FHL5: variants seen among roughly 807,000 people sequenced by gnomAD.
FHL5 encodes the protein four and a half LIM domains 5, also known as four and a half LIM domains protein 5.
FHL5 carries 33 observed loss-of-function variants against 32.0 expected under a neutral mutation model. That is an observed-to-expected ratio of 1.03 (90% CI 0.78 to 1.38). The LOEUF (loss-of-function observed/expected upper bound fraction) is 1.38, where lower values mean the gene tolerates loss of function less well. Among genes scored for constraint, FHL5 ranks in the 40% most tolerant of loss-of-function variants. The pLI is 0.00. For missense variants in FHL5, 336 were observed against 343.9 expected (o/e 0.98, Z 0.18); for synonymous variants, 114 against 113.6 (o/e 1.00, Z -0.02).
At chr6:96,579,747 A>G (rs1170471432) in intron 1 of FHL5, among the ~76,000 whole-genome samples, 2 of 152,214 alleles carry the variant, frequency 1.3e-5, no homozygotes, top group Non-Finnish European at 2.9e-5. Context: ...TTGAAACTTC[A>G]TGTATATGAC....
At chr6:96,591,859 C>T (rs1194890556) in intron 1 of FHL5, among the ~76,000 whole-genome samples, 1 of 152,056 alleles carries the variant, frequency 6.6e-6, no homozygotes, top group African/African-American at 2.4e-5. Flanking sequence ...GGACACATCA[C>T]ATGTCGATAG....
Position 96,603,736 on chromosome 6 carries a change from C to A in FHL5, c.123C>A (p.Cys41Ter), listed in dbSNP as rs747828128. 1.2e-6 allele frequency: 2 copies of A among 1,608,908 alleles called. No individual in the cohort carries two copies. Among genetic ancestry groups the A allele is most frequent in the African/African-American group, 1.3e-5 (1 of 74,672 alleles). Residue 41 changes from cysteine (C) to a stop codon, truncating the protein, a stop_gained, in exon 2 of 6, where the codon TGC becomes TGA. Transcript: ENST00000450218. LOFTEE classifies it high-confidence loss of function. ...ATGATCGTGTATTTTCTAACTATTG[C>A]GAGGAATGCAAAAAACCAATTGAAT... ...TCYDRVFSNY[C>*]EECKKPIESD...
At chr6:96,577,646 T>C (rs1340462719) in intron 1 of FHL5, among the ~76,000 whole-genome samples, 1 of 152,222 alleles carries the variant, frequency 6.6e-6, no homozygotes, top group Non-Finnish European at 1.5e-5. Flanking sequence ...TTTCATTTTG[T>C]ACAGCTAGAA....
intron 1 of FHL5, among the ~76,000 whole-genome samples, chr6:96,598,537 C>A (rs1219411315): frequency 6.6e-6 from 1 of 152,160 alleles, no homozygotes; most frequent in Non-Finnish European, 1.5e-5. Context: ...TGTCCTTCCT[C>A]CTTCTTTAAG....
chr6:96,572,064 A>G (rs1325583834), intron 1 of FHL5, among the ~76,000 whole-genome samples: 2 of 152,104 alleles, frequency 1.3e-5, no homozygotes, highest in African/African-American at 2.4e-5. Flanking sequence ...GAAGTCTAAA[A>G]TTGTTCAGTT....
intron 1 of FHL5, among the ~76,000 whole-genome samples, chr6:96,573,635 C>A (rs113432850): frequency 0.055 from 8,167 of 149,634 alleles, 663 homozygotes; most frequent in African/African-American, 0.18. Flanking sequence ...CATTCTCCTG[C>A]CTCAGCCTCC....
At chr6:96,565,520 T>G (rs576708328) in intron 1 of FHL5, among the ~76,000 whole-genome samples, 1 of 152,336 alleles carries the variant, frequency 6.6e-6, no homozygotes, top group Non-Finnish European at 1.5e-5. Context: ...ACCTTAAATT[T>G]ATCTCACTTG....
chr6:96,593,786 C>T (rs982142782), intron 1 of FHL5, among the ~76,000 whole-genome samples: 24 of 152,040 alleles, frequency 1.6e-4, no homozygotes, highest in Admixed American at 4.6e-4. Flanking sequence ...TGGACTTTGC[C>T]TATTCTTCAC....
chr6:96,576,665 AAGAC>A (rs1163608439), intron 1 of FHL5, among the ~76,000 whole-genome samples: 1 of 152,250 alleles, frequency 6.6e-6, no homozygotes, highest in Non-Finnish European at 1.5e-5. Flanking sequence ...TAAAGTGAAA[AAGAC>A]AGACAGGATT....
chr6:96,613,714 A>C (rs1421968982), intron 5 of FHL5, among the ~76,000 whole-genome samples: 1 of 152,240 alleles, frequency 6.6e-6, no homozygotes, highest in African/African-American at 2.4e-5. Context: ...CAGAGACTCT[A>C]AAGACAGATG....
At chr6:96,581,630 TC>T (rs1464599008) in intron 1 of FHL5, among the ~76,000 whole-genome samples, 7 of 152,204 alleles carry the variant, frequency 4.6e-5, no homozygotes, top group Admixed American at 1.3e-4. Context: ...AGGAAGAACT[TC>T]CCCATCAAAT....
chr6:96,590,399 G>T (rs1770889282), intron 1 of FHL5, among the ~76,000 whole-genome samples: 1 of 151,818 alleles, frequency 6.6e-6, no homozygotes, highest in African/African-American at 2.4e-5. Context: ...TATCATAAAT[G>T]ATTTTTTTTC....
intron 5 of FHL5, among the ~76,000 whole-genome samples, chr6:96,614,675 GAAAT>G (rs1334482503): frequency 6.6e-6 from 1 of 152,098 alleles, no homozygotes; most frequent in African/African-American, 2.4e-5. Context: ...GAGAAAACAT[GAAAT>G]AAATAAAGAC....
chr6:96,565,350 T>G (rs1446209408), intron 1 of FHL5, among the ~76,000 whole-genome samples: 2 of 152,216 alleles, frequency 1.3e-5, no homozygotes, highest in Admixed American at 1.3e-4. Context: ...TCATTCATAC[T>G]GAGTTTTCTA....
intron 1 of FHL5, among the ~76,000 whole-genome samples, chr6:96,570,836 T>C (rs1205765159): frequency 6.6e-6 from 1 of 152,058 alleles, no homozygotes; most frequent in Non-Finnish European, 1.5e-5. Flanking sequence ...TGCAGGATTC[T>C]TGTTTTGTTC....
chr6:96,598,637 T>G (rs1191841487), intron 1 of FHL5, among the ~76,000 whole-genome samples: 1 of 152,220 alleles, frequency 6.6e-6, no homozygotes, highest in Non-Finnish European at 1.5e-5. Context: ...GTCTAATTTA[T>G]TTGGTTTGAG....
At chr6:96,568,070 C>A (rs1770398790) in intron 1 of FHL5, among the ~76,000 whole-genome samples, 1 of 151,602 alleles carries the variant, frequency 6.6e-6, no homozygotes, top group Admixed American at 6.6e-5. Context: ...AGAAGAAAAG[C>A]TTTAAACTTT....
intron 1 of FHL5, among the ~76,000 whole-genome samples, chr6:96,576,980 G>C (rs1177845600): frequency 2.0e-5 from 3 of 152,166 alleles, no homozygotes; most frequent in Non-Finnish European, 4.4e-5. Context: ...AGATCAACAT[G>C]TTGTGTTTCC....
At chr6:96,598,513 T>C (rs1771081419) in intron 1 of FHL5, among the ~76,000 whole-genome samples, 1 of 152,216 alleles carries the variant, frequency 6.6e-6, no homozygotes, top group Non-Finnish European at 1.5e-5. Flanking sequence ...GAATTTTTCC[T>C]AGCTGAAAGT....
Sources: gnomAD v4.1 joint callset for allele counts (sites outside exome capture counted in the v4.1 genomes callset) on GRCh38, gnomAD v4.1.1 for gene constraint, MANE v1.5 for transcripts, NCBI Gene and HGNC (gene_info 2026-07-23, HGNC 2026-07-21) for gene names.